Variants in ARHGAP17 observed in about 807,000 individuals in gnomAD.
ARHGAP17 encodes the protein Rho GTPase activating protein 17, also known as rho GTPase-activating protein 17.
A neutral mutation model predicts 99.5 loss-of-function variants in ARHGAP17; 57 were observed. The ratio of observed to expected loss-of-function variants is 0.57; its 90% confidence interval spans 0.46 to 0.71. The LOEUF (loss-of-function observed/expected upper bound fraction) is 0.71, where lower values mean the gene tolerates loss of function less well. ARHGAP17 is among the 30% of genes least tolerant of loss of function. The pLI is 0.00. For synonymous variants in ARHGAP17, 417 were observed against 429.6 expected (o/e 0.97, Z 0.36); for missense variants, 1,000 against 1,122.4 (o/e 0.89, Z 1.56).
intron 3 of ARHGAP17, 142 bp downstream of exon 3, chr16:24,977,073 G>A (rs1336671109): frequency 6.2e-6 from 3 of 480,508 alleles, no homozygotes; most frequent in Admixed American, 4.0e-5. Context: ...CTATGGTCAC[G>A]CAGGTGTCAT....
Position 24,994,544 on chromosome 16 carries a change from G to A in ARHGAP17, c.54-15539C>T, listed in dbSNP as rs994387920. Among the ~76,000 whole-genome samples, 6 of 152,160 alleles carry A rather than the reference G, an allele frequency of 3.9e-5. No individual in the cohort carries two copies. In the East Asian group the frequency reaches 7.7e-4, roughly 20 times the overall value. ...AGCCATTATACTCCAGTGCAAGGAC[G>A]GTTCCAACAGGGAAGTGCAGGGTCC... On this transcript the variant is annotated intron_variant, in intron 1 of 19. Transcript: ENST00000289968.
chr16:24,959,482 G>A (rs1294813702), intron 9 of ARHGAP17, among the ~76,000 whole-genome samples, 189 bp downstream of exon 9: 3 of 152,178 alleles, frequency 2.0e-5, no homozygotes, highest in Admixed American at 2.0e-4. Flanking sequence ...CCATTAGTGT[G>A]TTAATTTGGG....
intron 1 of ARHGAP17, among the ~76,000 whole-genome samples, chr16:24,980,853 T>A (rs1375296182): frequency 6.6e-6 from 1 of 152,138 alleles, no homozygotes; most frequent in Admixed American, 6.6e-5. Flanking sequence ...TGTATACCTC[T>A]CACAGAATCC....
At chr16:24,974,354 C>T (rs1471483609) in intron 3 of ARHGAP17, among the ~76,000 whole-genome samples, 1 of 152,092 alleles carries the variant, frequency 6.6e-6, no homozygotes, top group Non-Finnish European at 1.5e-5. Flanking sequence ...TCGTTTGAAC[C>T]GGGTGGTGGA....
intron 19 of ARHGAP17, among the ~76,000 whole-genome samples, chr16:24,923,717 C>G (rs533969467): frequency 1.0e-5 from 1 of 95,780 alleles, no homozygotes; most frequent in South Asian, 3.8e-4. Flanking sequence ...GACCCTGTCT[C>G]TCTTTTTTTT....
At position 24,968,744 on chromosome 16, in the gene ARHGAP17, C is replaced by T; in HGVS notation, c.301G>A (p.Glu101Lys). Reference sequence around the variant, plus strand: ...GAGAGCTCGAGAGCCAGCTGATTCTCAGCATCTCCACACGTCTCCAGCATC... The same window carrying T: ...GAGAGCTCGAGAGCCAGCTGATTCTTAGCATCTCCACACGTCTCCAGCATC... ...GKMLETCGDA[E>K]NQLALELSQH... Residue 101 changes from glutamate to lysine, a missense_variant, in exon 5 of 20, where the codon GAG becomes AAG. Physicochemically the swap from Glu to Lys is moderately conservative, Grantham distance 56 (BLOSUM62 1). Coordinates refer to ENST00000289968, the MANE Select transcript of ARHGAP17 (RefSeq NM_001006634.3). The T allele has an allele frequency of 2.5e-6, 4 of 1,614,240 alleles. No individual in the cohort carries two copies. The highest frequency in any genetic ancestry group is 3.4e-6 in the Non-Finnish European group (4 of 1,180,052).
rs772633514 is a variant in ARHGAP17 at position 24,943,997 on chromosome 16, GTGT to G, written c.1242-138_1242-136del. 4.9e-6 allele frequency: 4 copies of G among 817,886 alleles called. No individual in the cohort carries two copies. In the South Asian group the frequency reaches 6.1e-5, roughly 12 times the overall value. 50.7% of individuals were successfully genotyped at this position (817,886 alleles called of 1,614,324 possible). Reference sequence around the variant, plus strand: ...TGCAAAAATCAAAATCACTGGCCGGGTGTGGTGGCTCACACCTGTAACCCCAGC... The same window carrying G: ...TGCAAAAATCAAAATCACTGGCCGGGGGTGGCTCACACCTGTAACCCCAGC... On this transcript the variant is annotated intron_variant, in intron 14 of 19. Transcript: ENST00000289968.
Position 24,941,974 on chromosome 16 carries a change from G to A in ARHGAP17, c.1490+13C>T, listed in dbSNP as rs200291801. The A allele has an allele frequency of 2.7e-5, 44 of 1,613,800 alleles. No homozygotes were observed. The highest frequency in any genetic ancestry group is 1.5e-4 in the African/African-American group (11 of 75,022). Reference sequence around the variant, plus strand: ...ATTTACTGCTGGTTTGGAAGTGAACGGTCAAATCATACCTTTCCTTCTTCA... The same window carrying A: ...ATTTACTGCTGGTTTGGAAGTGAACAGTCAAATCATACCTTTCCTTCTTCA... On this transcript the variant is annotated intron_variant, in intron 16 of 19. Coordinates refer to ENST00000289968, the MANE Select transcript of ARHGAP17 (RefSeq NM_001006634.3).
chr16:24,946,545 G>A (rs1351595409), intron 14 of ARHGAP17, among the ~76,000 whole-genome samples: 2 of 151,096 alleles, frequency 1.3e-5, no homozygotes, highest in African/African-American at 2.4e-5. Context: ...CCCAAAATAT[G>A]CTCCTTAGGC....
At position 24,954,013 on chromosome 16, in the gene ARHGAP17, G is replaced by A. The variant is rs1469694265; in HGVS notation, c.852+590C>T. Among the ~76,000 whole-genome samples, 6 of 151,276 alleles carry A rather than the reference G, an allele frequency of 4.0e-5. 1 individual carries two copies. Among genetic ancestry groups the A allele is most frequent in the Admixed American group, 3.3e-4 (5 of 15,172 alleles). ...GATATGTATGCTTTTCTGTATGTAC[G>A]TTCTATTTCAATACAAAGCTTTAAA... On this transcript the variant is annotated intron_variant, in intron 10 of 19. Coordinates refer to ENST00000289968, the MANE Select transcript of ARHGAP17 (RefSeq NM_001006634.3).
chr16:24,933,589 C>T (rs754283413), intron 18 of ARHGAP17, among the ~76,000 whole-genome samples: 2 of 152,124 alleles, frequency 1.3e-5, no homozygotes, highest in Non-Finnish European at 2.9e-5. Context: ...AACCAGCTTA[C>T]ATTAGCTGTA....
intron 1 of ARHGAP17, among the ~76,000 whole-genome samples, chr16:24,984,173 C>A (rs549381547): frequency 5.1e-4 from 78 of 152,286 alleles, no homozygotes; most frequent in African/African-American, 1.9e-3. Context: ...CTTCATAAAA[C>A]ATGTACTATG....
intron 19 of ARHGAP17, among the ~76,000 whole-genome samples, chr16:24,928,981 A>T (rs929273588): frequency 6.6e-6 from 1 of 152,094 alleles, no homozygotes; most frequent in African/African-American, 2.4e-5. Flanking sequence ...TTGCACTTAA[A>T]ATACAAAAAT....
intron 1 of ARHGAP17, among the ~76,000 whole-genome samples, chr16:25,001,813 G>A (rs930822695): frequency 2.0e-5 from 3 of 152,212 alleles, no homozygotes; most frequent in Non-Finnish European, 4.4e-5. Context: ...GCTAGGTGCA[G>A]TGGCTCATGC....
intron 3 of ARHGAP17, among the ~76,000 whole-genome samples, chr16:24,972,409 A>G (rs1342260864): frequency 6.6e-6 from 1 of 152,148 alleles, no homozygotes; most frequent in Non-Finnish European, 1.5e-5. Flanking sequence ...TGTAGAGACA[A>G]GGTCTCACTA....
chr16:24,958,148 T>C (rs1473082159), intron 9 of ARHGAP17, among the ~76,000 whole-genome samples: 1 of 152,166 alleles, frequency 6.6e-6, no homozygotes, highest in Non-Finnish European at 1.5e-5. Context: ...GGCTTCCTGA[T>C]GTATTTCTCT....
At chr16:24,970,365 A>G (rs1437780145) in intron 4 of ARHGAP17, 142 bp downstream of exon 4, 16 of 785,522 alleles carry the variant, frequency 2.0e-5, no homozygotes, top group Non-Finnish European at 2.8e-5. Flanking sequence ...CTTTCTCCCA[A>G]GGAGTCTCAG....
At chr16:24,952,782 T>C (rs1032461357) in intron 11 of ARHGAP17, 149 bp downstream of exon 11, 3 of 667,610 alleles carry the variant, frequency 4.5e-6, no homozygotes, top group African/African-American at 1.8e-5. Context: ...TTACATTGTA[T>C]ATACACTAAG....
chr16:24,975,322 C>T (rs537610236), intron 3 of ARHGAP17, among the ~76,000 whole-genome samples: 1 of 152,192 alleles, frequency 6.6e-6, no homozygotes, highest in Non-Finnish European at 1.5e-5. Context: ...TTAGAAGTCA[C>T]TGGCATAAAC....
Sources: gnomAD v4.1 joint callset for allele counts (sites outside exome capture counted in the v4.1 genomes callset) on GRCh38, gnomAD v4.1.1 for gene constraint, MANE v1.5 for transcripts, NCBI Gene and HGNC (gene_info 2026-07-23, HGNC 2026-07-21) for gene names.